The following PLA2G10 variants were observed in gnomAD, a reference collection of about 807,000 sequenced individuals.
PLA2G10 encodes the protein phospholipase A2 group X, also known as group 10 secretory phospholipase A2.
In PLA2G10, 9 loss-of-function variants were observed where a neutral mutation model predicts 7.9. The ratio of observed to expected loss-of-function variants is 1.14; its 90% CI spans 0.68 to 1.98. The LOEUF (loss-of-function observed/expected upper bound fraction) is 1.98. PLA2G10 is among the 30% of genes most tolerant of loss of function. The pLI is 0.00. For synonymous variants in PLA2G10, 19 were observed against 27.5 expected (o/e 0.69, Z 0.97); for missense variants, 53 against 65.4 (o/e 0.81, Z 0.66).
chr16:14,672,790 G>C (rs752005685), intron 3 of PLA2G10, 41 bp from the exon 4 acceptor site: 5 of 1,604,962 alleles, frequency 3.1e-6, no homozygotes, highest in Admixed American at 3.4e-5. Context: ...CAGGGACCTG[G>C]AGAGACTCAA....
At chr16:14,684,124 G>C (rs1960977990) in intron 3 of PLA2G10, among the ~76,000 whole-genome samples, 2 of 151,228 alleles carry the variant, frequency 1.3e-5, no homozygotes, top group Admixed American at 1.3e-4. Context: ...ACTTTGGGAG[G>C]CCAAGGCAGA....
chr16:14,684,362 G>T (rs867953931), intron 3 of PLA2G10, among the ~76,000 whole-genome samples: 19 of 110,656 alleles, frequency 1.7e-4, no homozygotes, highest in Middle Eastern at 0.016. Flanking sequence ...AAAAAAAAAA[G>T]GCTAAAAATT....
At chr16:14,679,064 G>T (rs966120206) in intron 3 of PLA2G10, among the ~76,000 whole-genome samples, 1 of 151,892 alleles carries the variant, frequency 6.6e-6, no homozygotes, top group Admixed American at 6.6e-5. Flanking sequence ...TGGTGTCTCC[G>T]GGAGACTTTC....
chr16:14,686,559 A>G (rs1267965661), intron 3 of PLA2G10, among the ~76,000 whole-genome samples: 1 of 152,088 alleles, frequency 6.6e-6, no homozygotes, highest in East Asian at 1.9e-4. Context: ...CCCAGGCTGG[A>G]GTACGATCTC....
intron 3 of PLA2G10, among the ~76,000 whole-genome samples, chr16:14,682,687 G>A (rs1016116793): frequency 1.3e-5 from 2 of 152,220 alleles, no homozygotes; most frequent in Non-Finnish European, 2.9e-5. Context: ...AGTTGGAACA[G>A]ATCTTTGATT....
At chr16:14,687,048 C>T (rs1961094288) in intron 3 of PLA2G10, among the ~76,000 whole-genome samples, 1 of 151,148 alleles carries the variant, frequency 6.6e-6, no homozygotes, top group Middle Eastern at 3.4e-3. Context: ...GTGGAGGTTG[C>T]AGTAAGCCAA....
chr16:14,679,059 T>C (rs1343240258), intron 3 of PLA2G10, among the ~76,000 whole-genome samples: 1 of 152,040 alleles, frequency 6.6e-6, no homozygotes, highest in African/African-American at 2.4e-5. Context: ...TTCATTGGTG[T>C]CTCCGGGAGA....
At chr16:14,684,949 C>T (rs1454964808) in intron 3 of PLA2G10, among the ~76,000 whole-genome samples, 1 of 152,154 alleles carries the variant, frequency 6.6e-6, no homozygotes, top group African/African-American at 2.4e-5. Context: ...GCACTATTCA[C>T]ATAAGCCAAA....
intron 3 of PLA2G10, among the ~76,000 whole-genome samples, chr16:14,687,294 T>A (rs1388774679): frequency 6.6e-6 from 1 of 151,898 alleles, no homozygotes; most frequent in African/African-American, 2.4e-5. Flanking sequence ...CAGGGTTTTT[T>A]TTATATATCT....
At chr16:14,673,013 TTTC>T (rs1235966820) in intron 3 of PLA2G10, among the ~76,000 whole-genome samples, 1 of 150,876 alleles carries the variant, frequency 6.6e-6, no homozygotes, top group Non-Finnish European at 1.5e-5. Flanking sequence ...TCTTTTTTCT[TTTC>T]TTTTTTTTTT....
At chr16:14,674,127 G>GAA (rs952951461) in intron 3 of PLA2G10, among the ~76,000 whole-genome samples, 2 of 143,232 alleles carry the variant, frequency 1.4e-5, no homozygotes, top group African/African-American at 2.6e-5. Flanking sequence ...ATAATAGCTG[G>GAA]AAAAAAAAAA....
chr16:14,687,328 ATT>A (rs201336845), intron 3 of PLA2G10, among the ~76,000 whole-genome samples: 17 of 136,248 alleles, frequency 1.2e-4, no homozygotes, highest in Non-Finnish European at 1.1e-4. Context: ...GTTAGGTAAA[ATT>A]TTTTTTTTTT....
At chr16:14,677,147 G>C (rs2151849784) in intron 3 of PLA2G10, among the ~76,000 whole-genome samples, 1 of 152,226 alleles carries the variant, frequency 6.6e-6, no homozygotes, top group East Asian at 1.9e-4. Flanking sequence ...AATATTTCTG[G>C]AATGTTTTAA....
chr16:14,685,057 G>A (rs910758410), intron 3 of PLA2G10, among the ~76,000 whole-genome samples: 9 of 152,074 alleles, frequency 5.9e-5, no homozygotes, highest in Non-Finnish European at 1.0e-4. Context: ...AATGAATGAC[G>A]TACTGACACA....
At chr16:14,673,420 G>A (rs918128081) in intron 3 of PLA2G10, among the ~76,000 whole-genome samples, 3 of 152,082 alleles carry the variant, frequency 2.0e-5, no homozygotes, top group Admixed American at 2.0e-4. Flanking sequence ...CACCCAGGCT[G>A]GAGTGTAGTG....
chr16:14,676,500 G>T (rs1296778388), intron 3 of PLA2G10, among the ~76,000 whole-genome samples: 2 of 152,132 alleles, frequency 1.3e-5, no homozygotes, highest in African/African-American at 4.8e-5. Context: ...CCAATATGGT[G>T]AAACCCCATC....
At chr16:14,684,416 C>T (rs1960990581) in intron 3 of PLA2G10, among the ~76,000 whole-genome samples, 1 of 150,866 alleles carries the variant, frequency 6.6e-6, no homozygotes, top group Admixed American at 6.6e-5. Context: ...CCTGTAATCC[C>T]AGCACTTTGG....
At chr16:14,673,303 G>A (rs577237346) in intron 3 of PLA2G10, among the ~76,000 whole-genome samples, 11 of 151,848 alleles carry the variant, frequency 7.2e-5, no homozygotes, top group Non-Finnish European at 1.5e-4. Context: ...GATTACAGGC[G>A]TGAGCCACCA....
chr16:14,685,089 A>T (rs1961014786), intron 3 of PLA2G10, among the ~76,000 whole-genome samples: 1 of 152,158 alleles, frequency 6.6e-6, no homozygotes, highest in African/African-American at 2.4e-5. Flanking sequence ...CAACATGAAC[A>T]GGATGGGTGT....
Sources: gnomAD v4.1 joint callset for allele counts (sites outside exome capture counted in the v4.1 genomes callset) on GRCh38, gnomAD v4.1.1 for gene constraint, MANE v1.5 for transcripts, NCBI Gene and HGNC (gene_info 2026-07-23, HGNC 2026-07-21) for gene names.